Variants in NLGN1 observed in about 807,000 individuals in gnomAD.
NLGN1 encodes neuroligin 1.
A neutral mutation model predicts 65.5 loss-of-function variants in NLGN1; 12 were observed. The ratio of observed to expected loss-of-function variants is 0.18; its 90% CI spans 0.12 to 0.30. NLGN1 has a LOEUF of 0.30. Among genes scored for constraint, NLGN1 ranks in the 10% least tolerant of loss-of-function variants. NLGN1 has a pLI of 1.00. For synonymous variants in NLGN1, 350 were observed against 359.5 expected, an observed-to-expected ratio of 0.97 and a Z score of 0.30; for missense variants, 750 against 1,007.1, an observed-to-expected ratio of 0.74 and a Z score of 3.46.
rs528998244 is a variant in NLGN1 at position 174,180,717 on chromosome 3, A to T, written c.647-94598A>T. ...ATGATAGATGTGTTCTTGTGTGTCT[A>T]CTCTGTGCCAAGCATGATCAACTGA... On this transcript the variant is annotated intron_variant, in intron 4 of 6. Transcript: ENST00000457714. The T allele has an allele frequency of 3.3e-5, 5 of 152,148 alleles. No homozygotes were observed. In the South Asian group the frequency reaches 8.3e-4, roughly 25 times the overall value. 9.4% of individuals were successfully genotyped at this position (152,148 alleles called of 1,614,324 possible). A position where few individuals can be genotyped will look rare whatever the true frequency, so the allele number is the denominator to read the frequency against.
chr3:174,189,739 A>C (rs907274066), intron 4 of NLGN1, among the ~76,000 whole-genome samples: 53 of 151,718 alleles, frequency 3.5e-4, no homozygotes, highest in African/African-American at 1.3e-3. Context: ...TCCCTAATGT[A>C]ATATATCAAA....
At chr3:173,990,204 A>G (rs1376911907) in intron 4 of NLGN1, among the ~76,000 whole-genome samples, 5 of 152,240 alleles carry the variant, frequency 3.3e-5, no homozygotes, top group African/African-American at 4.8e-5. Flanking sequence ...GGTGTTGAGG[A>G]TCTTCATGTA....
intron 2 of NLGN1, among the ~76,000 whole-genome samples, chr3:173,580,740 T>C (rs35234779): frequency 0.52 from 78,668 of 151,292 alleles, 20,972 homozygotes; most frequent in East Asian, 0.84. Flanking sequence ...CTCTGTGAAC[T>C]CATTTTACAC....
At chr3:173,720,136 A>G (rs375243991) in intron 3 of NLGN1, among the ~76,000 whole-genome samples, 24 of 152,270 alleles carry the variant, frequency 1.6e-4, no homozygotes, top group African/African-American at 5.5e-4. Context: ...AAAAAGAAAA[A>G]GAATTTTTTA....
chr3:173,614,747 T>C (rs149217812), intron 3 of NLGN1, among the ~76,000 whole-genome samples: 250 of 152,176 alleles, frequency 1.6e-3, no homozygotes, highest in African/African-American at 5.7e-3. Context: ...GACAGCTTCC[T>C]CATCCCTCAC....
chr3:173,452,288 C>T (rs1017170607), intron 2 of NLGN1, among the ~76,000 whole-genome samples: 4 of 151,988 alleles, frequency 2.6e-5, no homozygotes, highest in Non-Finnish European at 5.9e-5. Context: ...CTCTTCCTCC[C>T]GGGTTCAAGC....
chr3:173,988,001 T>C (rs1367519255), intron 4 of NLGN1, among the ~76,000 whole-genome samples: 1 of 152,196 alleles, frequency 6.6e-6, no homozygotes, highest in Non-Finnish European at 1.5e-5. Context: ...ACTTGAACAA[T>C]ATAAAGATGC....
chr3:173,881,145 C>A (rs1399675908), intron 4 of NLGN1, among the ~76,000 whole-genome samples: 1 of 138,912 alleles, frequency 7.2e-6, no homozygotes, highest in Admixed American at 7.9e-5. Flanking sequence ...GTCACCCAGG[C>A]TGGAGTGCAG....
At chr3:173,696,784 T>C (rs1417241236) in intron 3 of NLGN1, among the ~76,000 whole-genome samples, 1 of 152,218 alleles carries the variant, frequency 6.6e-6, no homozygotes, top group African/African-American at 2.4e-5. Flanking sequence ...GCCCTACATA[T>C]ACAAGAAAGT....
chr3:173,881,035 C>G (rs1733131611), intron 4 of NLGN1, among the ~76,000 whole-genome samples: 1 of 151,118 alleles, frequency 6.6e-6, no homozygotes, highest in Admixed American at 6.6e-5. Flanking sequence ...CTTCTCATCA[C>G]TTGAAGTTTT....
intron 4 of NLGN1, among the ~76,000 whole-genome samples, chr3:173,907,962 C>T (rs146638984): frequency 0.013 from 2,010 of 152,272 alleles, 58 homozygotes; most frequent in African/African-American, 0.042. Flanking sequence ...TCAGGTGATC[C>T]ACATGCCTCG....
intron 4 of NLGN1, among the ~76,000 whole-genome samples, chr3:174,114,195 G>C (rs1301101020): frequency 6.6e-6 from 1 of 152,078 alleles, no homozygotes; most frequent in East Asian, 1.9e-4. Context: ...GCCTGCACAG[G>C]CTTTAGTTTT....
intron 4 of NLGN1, among the ~76,000 whole-genome samples, chr3:174,072,167 C>T (rs17260587): frequency 0.013 from 2,049 of 152,236 alleles, 26 homozygotes; most frequent in Non-Finnish European, 0.017. Context: ...TTGTATTTAT[C>T]CTCGCAGTTA....
At chr3:173,976,002 CT>C (rs1717356597) in intron 4 of NLGN1, among the ~76,000 whole-genome samples, 1 of 151,960 alleles carries the variant, frequency 6.6e-6, no homozygotes, top group Non-Finnish European at 1.5e-5. Context: ...GACTATTTAT[CT>C]ACTATACAAA....
At chr3:174,195,514 T>C (rs1054684518) in intron 4 of NLGN1, among the ~76,000 whole-genome samples, 3 of 152,212 alleles carry the variant, frequency 2.0e-5, no homozygotes, top group African/African-American at 7.2e-5. Context: ...GAAGCTAATC[T>C]GTGTATGAGA....
chr3:173,536,474 C>G (rs1234490597), intron 2 of NLGN1, among the ~76,000 whole-genome samples: 1 of 152,104 alleles, frequency 6.6e-6, no homozygotes, highest in Non-Finnish European at 1.5e-5. Flanking sequence ...GATATTAAGG[C>G]AGTATTCTCA....
At chr3:173,457,535 A>T (rs1180595712) in intron 2 of NLGN1, among the ~76,000 whole-genome samples, 1 of 152,116 alleles carries the variant, frequency 6.6e-6, no homozygotes, top group African/African-American at 2.4e-5. Flanking sequence ...TTTACATGTA[A>T]CAGGAAGGCC....
At chr3:174,162,122 C>T (rs968838645) in intron 4 of NLGN1, among the ~76,000 whole-genome samples, 1 of 151,816 alleles carries the variant, frequency 6.6e-6, no homozygotes, top group African/African-American at 2.4e-5. Context: ...TGAGGAACAA[C>T]CTGACCCCCC....
intron 4 of NLGN1, among the ~76,000 whole-genome samples, chr3:174,127,293 T>C (rs1252301140): frequency 6.6e-6 from 1 of 152,146 alleles, no homozygotes; most frequent in Admixed American, 6.6e-5. Context: ...CTTTCAACCT[T>C]TACTAGTAGA....
Sources: allele counts gnomAD v4.1 joint callset (sites outside exome capture counted in the v4.1 genomes callset), GRCh38; gene constraint gnomAD v4.1.1; transcripts MANE v1.5; gene names NCBI Gene and HGNC (gene_info 2026-07-23, HGNC 2026-07-21).